Variants in NOTCH1 observed in about 807,000 individuals in gnomAD.
NOTCH1 encodes the protein neurogenic locus notch homolog protein 1.
A neutral mutation model predicts 254.8 loss-of-function variants in NOTCH1; 37 were observed. The observed-to-expected ratio is 0.15, with a 90% CI of 0.11 to 0.19. The LOEUF is 0.19. Among genes scored for constraint, NOTCH1 ranks in the 10% least tolerant of loss-of-function variants. The pLI, the probability that NOTCH1 is intolerant of heterozygous loss-of-function variation, is 1.00. For missense variants in NOTCH1, 2,972 were observed against 3,708.6 expected (o/e 0.80, Z 5.16); for synonymous variants, 1,731 against 1,618.1 (o/e 1.07, Z -1.68).
At position 136,513,245 on chromosome 9, in the gene NOTCH1, C is replaced by T; in HGVS notation, c.2354-111G>A. On this transcript the variant is annotated intron_variant, in intron 14 of 33. Transcript: ENST00000651671. The surrounding 1 kb of genome is among the most constrained non-coding windows in gnomAD (Gnocchi z 4.7). ...CCCACCCCAGGCCCCTCCTCATCTC[C>T]AAGAGCCAGAGGCCTGGAGCTAAGG... 1 of 1,473,954 alleles carries T rather than the reference C, an allele frequency of 6.8e-7. No homozygotes were observed. The highest frequency in any genetic ancestry group is 9.4e-7 in the Non-Finnish European group (1 of 1,061,536). 91.3% of individuals were successfully genotyped at this position (1,473,954 alleles called of 1,614,324 possible).
rs1228180851 is a variant in NOTCH1 at position 136,513,194 on chromosome 9, C to T, written c.2354-60G>A. The T allele has an allele frequency of 3.3e-6, 5 of 1,494,744 alleles. No homozygotes were observed. Among genetic ancestry groups the T allele is most frequent in the South Asian group, 2.3e-5 (2 of 88,456 alleles). The allele number at this position is 1,494,744 out of a possible 1,614,324, so 92.6% of individuals were successfully genotyped here. On this transcript the variant is annotated intron_variant, in intron 14 of 33. Coordinates refer to ENST00000651671, the MANE Select transcript of NOTCH1 (RefSeq NM_017617.5). This position sits in a 1 kb window ranked among gnomAD's most constrained non-coding sequence, Gnocchi z 4.7. ...CACTCCCAGGCACCTTGGCAGGGCC[C>T]CACAACAGCAGCCCTGGGCCTGCTC...
rs926571912 is a variant in NOTCH1, at chr9:136,506,727, G to A, written c.3890C>T (p.Ala1297Val). ...RVNDFHCECR[A>V]GHTGRRCESV... is the part of the protein sequence containing the mutation. The stretch of plus-strand genomic sequence containing the variant: ...GGCGCGGCACCCACCGGTGTGACCA[G>A]CACGGCACTCGCAGTGGAAGTCATT... The change falls in exon 23 of 34, where the codon GCT (alanine) becomes GTT (valine). Residue 1297 changes from alanine (A) to valine (V), a missense_variant. Ala to Val is a moderately conservative substitution (Grantham distance 64). Coordinates refer to ENST00000651671, the MANE Select transcript of NOTCH1 (RefSeq NM_017617.5). This position sits in a 1 kb window ranked among gnomAD's most constrained non-coding sequence, Gnocchi z 4.5. 6.3e-7 allele frequency: 1 copy of A among 1,599,770 alleles called. No individual in the cohort carries two copies. The highest frequency in any genetic ancestry group is 1.1e-5 in the South Asian group (1 of 89,268).
intron 7 of NOTCH1, 53 bp downstream of exon 7, chr9:136,518,084 C>T (rs938507145): frequency 2.1e-5 from 32 of 1,556,526 alleles, no homozygotes; most frequent in Non-Finnish European, 2.5e-5. Flanking sequence ...CTCATCGGTT[C>T]TGGGGCCAGG....
intron 2 of NOTCH1, among the ~76,000 whole-genome samples, chr9:136,529,321 C>T (rs1843522051): frequency 6.6e-6 from 1 of 152,254 alleles, no homozygotes; most frequent in South Asian, 2.1e-4. Context: ...ACGAGCCCAG[C>T]TCTAGCCCGG....
intron 2 of NOTCH1, among the ~76,000 whole-genome samples, chr9:136,537,446 AG>A (rs1396180790): frequency 6.6e-6 from 1 of 152,202 alleles, no homozygotes; most frequent in African/African-American, 2.4e-5. Flanking sequence ...AGTGGTTGCC[AG>A]GGGCTGGGGC....
At chr9:136,539,799 G>A (rs892651149) in intron 2 of NOTCH1, among the ~76,000 whole-genome samples, 2 of 152,200 alleles carry the variant, frequency 1.3e-5, no homozygotes, top group African/African-American at 4.8e-5. Context: ...AGACGAGGCA[G>A]GTGACTCAAT....
rs781782610 is a variant in NOTCH1, at chr9:136,517,915, C to T, written c.1278G>A (p.Ala426=). Residue 426 remains alanine (A), a synonymous_variant, in exon 8 of 34, where the codon GCG becomes GCA. Coordinates refer to ENST00000651671, the MANE Select transcript of NOTCH1 (RefSeq NM_017617.5). ...AGCCCAGCGTGTTGATGCACTTGCC[C>T]GCATGCTCGCAGGGGTTGGCACCTG... is the stretch of plus-strand genomic sequence containing the variant. ...CSLGANPCEH[A]GKCINTLGSF... 6.8e-6 allele frequency: 11 copies of T among 1,611,418 alleles called. No individual in the cohort carries two copies. Among genetic ancestry groups the T allele is most frequent in the South Asian group, 3.3e-5 (3 of 91,080 alleles).
At chr9:136,514,857 G>A (rs557583193) in intron 12 of NOTCH1, among the ~76,000 whole-genome samples, 155 bp from the exon 13 acceptor site, 2 of 152,304 alleles carry the variant, frequency 1.3e-5, no homozygotes, top group Admixed American at 1.3e-4. Flanking sequence ...TGTGCCATGT[G>A]CCAGCCTCCC....
intron 9 of NOTCH1, among the ~76,000 whole-genome samples, chr9:136,516,378 C>G (rs1049388118): frequency 6.6e-6 from 1 of 152,238 alleles, no homozygotes; most frequent in African/African-American, 2.4e-5. Flanking sequence ...GGGCTCCCCT[C>G]GCTCCAGTGT....
rs568052902 is a variant in NOTCH1, at chr9:136,509,080, G to A, written c.2970-9C>T. On this transcript the variant is annotated splice_polypyrimidine_tract_variant and intron_variant, in intron 18 of 33. Transcript: ENST00000651671. ...CACCGTTGAAGCAGGAGCTGCAAGG[G>A]GGTGGGCAGGCGGGGGCTGAGTGGA... The A allele has an allele frequency of 1.7e-4, 269 of 1,553,334 alleles. No individual in the cohort carries two copies. The highest frequency in any genetic ancestry group is 2.2e-4 in the Non-Finnish European group (251 of 1,149,350).
intron 2 of NOTCH1, among the ~76,000 whole-genome samples, chr9:136,527,806 G>A (rs1174899122): frequency 6.6e-6 from 1 of 152,178 alleles, no homozygotes; most frequent in Non-Finnish European, 1.5e-5. Flanking sequence ...GCCCCCCGCA[G>A]GTGAGCGGCG....
In NOTCH1 at chr9:136,496,946, C is replaced by T. The variant is rs777902922; in HGVS notation, c.6793G>A (p.Ala2265Thr). The change falls in exon 34 of 34, where the codon GCC (alanine) becomes ACC (threonine). Residue 2265 changes from alanine to threonine, a missense_variant. Physicochemically the swap from Ala to Thr is moderately conservative, Grantham distance 58 (BLOSUM62 0). Coordinates refer to ENST00000651671, the MANE Select transcript of NOTCH1 (RefSeq NM_017617.5). ...AGACGAGGTGGGCCAGTCTCAAAGG[C>T]CAGCCGGCCGCCCCCACCCAGCGCC... is the stretch of plus-strand genomic sequence containing the variant. The part of the protein sequence containing the change: ...MAALGGGGRL[A>T]FETGPPRLSH... 7 of 1,611,326 alleles carry T rather than the reference C, an allele frequency of 4.3e-6. No individual in the cohort carries two copies. Among genetic ancestry groups the T allele is most frequent in the Non-Finnish European group, 5.9e-6 (7 of 1,179,460 alleles).
intron 4 of NOTCH1, among the ~76,000 whole-genome samples, chr9:136,522,067 T>A (rs1193166459): frequency 6.7e-6 from 1 of 149,310 alleles, no homozygotes; most frequent in Non-Finnish European, 1.5e-5. Flanking sequence ...AACCTCCGCC[T>A]CCCGGGTTCA....
At chr9:136,543,429 G>A (rs562373612) in intron 2 of NOTCH1, 3 of 238,552 alleles carry the variant, frequency 1.3e-5, no homozygotes, top group Admixed American at 1.1e-4. Flanking sequence ...GGCATCACCC[G>A]CCCAGGAGGT....
intron 2 of NOTCH1, among the ~76,000 whole-genome samples, chr9:136,528,713 C>T (rs1478067443): frequency 2.0e-5 from 3 of 152,070 alleles, no homozygotes; most frequent in Non-Finnish European, 4.4e-5. Context: ...TGCTCCCCAG[C>T]AGAGCCACAG....
intron 2 of NOTCH1, among the ~76,000 whole-genome samples, chr9:136,524,634 C>CTTT (rs933297286): frequency 7.8e-6 from 1 of 127,796 alleles, no homozygotes; most frequent in Non-Finnish European, 1.6e-5. Flanking sequence ...CTTTCTTTTT[C>CTTT]TTTTCTTTTT....
At chr9:136,535,833 A>G (rs939645156) in intron 2 of NOTCH1, among the ~76,000 whole-genome samples, 14 of 43,498 alleles carry the variant, frequency 3.2e-4, no homozygotes, top group Admixed American at 1.2e-3. Context: ...GGGTGGGTGG[A>G]GGGGGGATCA....
chr9:136,516,239 TGCCTCCC>T (rs1843270642), intron 9 of NOTCH1, 145 bp from the exon 10 acceptor site: 2 of 656,854 alleles, frequency 3.0e-6, no homozygotes, highest in Non-Finnish European at 5.5e-6. Flanking sequence ...CAGCTCTCCC[TGCCTCCC>T]GCTGCCCGCT....
At chr9:136,508,551 C>T (rs1481912133) in intron 19 of NOTCH1, among the ~76,000 whole-genome samples, 166 bp from the exon 20 acceptor site, 1 of 152,198 alleles carries the variant, frequency 6.6e-6, no homozygotes, top group Non-Finnish European at 1.5e-5. Flanking sequence ...CCAGGAACAG[C>T]CTGGGCTGGG....
Sources: gnomAD v4.1 joint callset for allele counts (sites outside exome capture counted in the v4.1 genomes callset) on GRCh38, gnomAD v4.1.1 for gene constraint, Gnocchi (gnomAD v3.1) non-coding constraint, MANE v1.5 for transcripts, NCBI Gene and HGNC (gene_info 2026-07-23, HGNC 2026-07-21) for gene names.